Variants in RRN3 observed in about 807,000 individuals in gnomAD.
The protein encoded by RRN3 is RNA polymerase I transcription factor RRN3, also known as RNA polymerase I-specific transcription initiation factor RRN3.
A neutral mutation model predicts 82.3 loss-of-function variants in RRN3; 38 were observed. That is an observed-to-expected ratio of 0.46 (90% CI 0.36 to 0.61). The LOEUF (loss-of-function observed/expected upper bound fraction) is 0.61. RRN3 is among the 20% of genes least tolerant of loss of function. The pLI is 0.00. For synonymous variants in RRN3, 284 were observed against 284.3 expected (o/e 1.00, Z 0.01); for missense variants, 726 against 793.1 (o/e 0.92, Z 1.02).
intron 9 of RRN3, among the ~76,000 whole-genome samples, chr16:15,077,409 G>C (rs1024425411): frequency 2.6e-5 from 4 of 152,036 alleles, no homozygotes; most frequent in Non-Finnish European, 5.9e-5. Context: ...TAAGTCTCAA[G>C]AGATCTGATG....
intron 10 of RRN3, 142 bp downstream of exon 10, chr16:15,076,416 T>C (rs2045456158): frequency 1.5e-6 from 1 of 682,102 alleles, no homozygotes; most frequent in Non-Finnish European, 2.7e-6. Context: ...TGGCAGCAAA[T>C]TACTCATATA....
intron 16 of RRN3, among the ~76,000 whole-genome samples, chr16:15,064,435 A>G (rs1327981961): frequency 1.3e-5 from 2 of 152,150 alleles, no homozygotes; most frequent in African/African-American, 4.8e-5. Context: ...TCAGCCTCCC[A>G]AAGTGCTGGG....
At chr16:15,084,006 G>A (rs1421516411) in intron 7 of RRN3, among the ~76,000 whole-genome samples, 3 of 152,310 alleles carry the variant, frequency 2.0e-5, no homozygotes, top group East Asian at 3.9e-4. Flanking sequence ...GTGAGCCACC[G>A]CGCCCGGCCA....
intron 14 of RRN3, among the ~76,000 whole-genome samples, chr16:15,068,698 G>C (rs569813165): frequency 1.3e-5 from 2 of 152,184 alleles, no homozygotes; most frequent in Admixed American, 6.5e-5. Context: ...GCTGAGTGCT[G>C]TTTTCAGGTG....
chr16:15,066,584 G>T (rs979466189), intron 15 of RRN3, among the ~76,000 whole-genome samples: 2 of 150,892 alleles, frequency 1.3e-5, no homozygotes, highest in Non-Finnish European at 2.9e-5. Flanking sequence ...AGTGAGCTAA[G>T]ATCACGCCAC....
intron 15 of RRN3, among the ~76,000 whole-genome samples, chr16:15,066,768 C>T (rs2044995648): frequency 6.6e-6 from 1 of 151,294 alleles, no homozygotes; most frequent in Non-Finnish European, 1.5e-5. Flanking sequence ...ATCTCAAAAG[C>T]ATCAAGCAGG....
chr16:15,091,867 G>C (rs1245588030), intron 2 of RRN3, among the ~76,000 whole-genome samples: 1 of 152,086 alleles, frequency 6.6e-6, no homozygotes, highest in African/African-American at 2.4e-5. Flanking sequence ...GTAATGCTTA[G>C]GTAAGTTCCT....
intron 3 of RRN3, among the ~76,000 whole-genome samples, chr16:15,087,404 G>C (rs1351378736): frequency 1.3e-5 from 2 of 152,128 alleles, no homozygotes; most frequent in African/African-American, 4.8e-5. Context: ...CCAACCAAGA[G>C]GCCAGTAAAG....
rs1366901752 is a variant in RRN3, at chr16:15,073,081, C to T, written c.998-1G>A. 1 of 1,603,038 alleles carries T rather than the reference C, an allele frequency of 6.2e-7. No homozygotes were observed. The highest frequency in any genetic ancestry group is 8.5e-7 in the Non-Finnish European group (1 of 1,177,574). On this transcript the variant is annotated splice_acceptor_variant, in intron 11 of 17. Transcript: ENST00000198767. LOFTEE classifies it high-confidence loss of function. ...TTTGTTTTGCCGTTATCAACCTTAC[C>T]TATGGAGAAAATCTGGCATCTCAGT... is the stretch of plus-strand genomic sequence containing the variant.
intron 8 of RRN3, among the ~76,000 whole-genome samples, chr16:15,081,677 T>C (rs1357467907): frequency 6.6e-6 from 1 of 152,250 alleles, no homozygotes. Context: ...ACGTTTAATT[T>C]TGAAGTACAA....
intron 3 of RRN3, among the ~76,000 whole-genome samples, chr16:15,087,485 G>A (rs1409515752): frequency 6.6e-6 from 1 of 152,146 alleles, no homozygotes; most frequent in Non-Finnish European, 1.5e-5. Flanking sequence ...CTCCCTATAT[G>A]CGGAGAAGAA....
intron 14 of RRN3, 135 bp from the exon 15 acceptor site, chr16:15,068,412 G>A (rs1185613666): frequency 2.8e-5 from 33 of 1,167,094 alleles, no homozygotes; most frequent in Non-Finnish European, 3.9e-5. Context: ...TTTAAATAAA[G>A]GTCCATGCAG....
chr16:15,063,433 G>T (rs982558450), intron 16 of RRN3, 150 bp from the exon 17 acceptor site: 231 of 691,984 alleles, frequency 3.3e-4, no homozygotes, highest in Admixed American at 1.2e-3. Context: ...ACCTGGCTGG[G>T]TGCAGTGGCT....
intron 5 of RRN3, among the ~76,000 whole-genome samples, 184 bp from the exon 6 acceptor site, chr16:15,085,882 T>C (rs2045898914): frequency 6.6e-6 from 1 of 152,158 alleles, no homozygotes; most frequent in Non-Finnish European, 1.5e-5. Flanking sequence ...CTTTATAGTT[T>C]TTAAACGGCT....
intron 3 of RRN3, among the ~76,000 whole-genome samples, chr16:15,090,231 T>A (rs905032617): frequency 5.9e-5 from 9 of 151,486 alleles, no homozygotes; most frequent in African/African-American, 2.2e-4. Flanking sequence ...TCCACTGAAA[T>A]CAGCATGTAA....
chr16:15,087,740 T>C (rs1422872283), intron 3 of RRN3, among the ~76,000 whole-genome samples: 1 of 152,144 alleles, frequency 6.6e-6, no homozygotes, highest in Non-Finnish European at 1.5e-5. Flanking sequence ...AGTGTACAAA[T>C]AAAATAAACT....
intron 10 of RRN3, among the ~76,000 whole-genome samples, chr16:15,075,437 G>A (rs932444339): frequency 8.6e-5 from 13 of 151,754 alleles, no homozygotes; most frequent in African/African-American, 3.1e-4. Context: ...GCTGGGTGCG[G>A]TGGTACACTG....
At chr16:15,068,697 T>C (rs2045086371) in intron 14 of RRN3, among the ~76,000 whole-genome samples, 1 of 152,266 alleles carries the variant, frequency 6.6e-6, no homozygotes, top group South Asian at 2.1e-4. Flanking sequence ...AGCTGAGTGC[T>C]GTTTTCAGGT....
intron 15 of RRN3, among the ~76,000 whole-genome samples, chr16:15,066,630 C>A (rs2044986452): frequency 7.1e-6 from 1 of 140,906 alleles, no homozygotes; most frequent in South Asian, 2.2e-4. Context: ...AAGACCTTGT[C>A]TCAAATAAAA....
Sources: gnomAD v4.1 joint callset for allele counts (sites outside exome capture counted in the v4.1 genomes callset) on GRCh38, gnomAD v4.1.1 for gene constraint, MANE v1.5 for transcripts, NCBI Gene and HGNC (gene_info 2026-07-23, HGNC 2026-07-21) for gene names.